The following INF2 variants were observed in gnomAD, a reference collection of about 807,000 sequenced individuals.
INF2 encodes inverted formin-2.
In INF2, 43 loss-of-function variants were observed where a neutral mutation model predicts 123.5. The observed-to-expected ratio is 0.35, with a 90% CI of 0.27 to 0.45. The LOEUF is 0.45. INF2 is among the 20% of genes least tolerant of loss of function. The pLI, the probability that INF2 is intolerant of heterozygous loss-of-function variation, is 1.00. For missense variants in INF2, 1,453 were observed against 1,682.7 expected (o/e 0.86, Z 2.39); for synonymous variants, 851 against 745.0 (o/e 1.14, Z -2.32).
At chr14:104,713,420 T>C in intron 19 of INF2, 25 bp from the exon 20 acceptor site, 1 of 1,604,264 alleles carries the variant, frequency 6.2e-7, no homozygotes, top group Non-Finnish European at 8.5e-7. Context: ...CCCATGCCGC[T>C]CTCTGAGTGC....
chr14:104,700,403 C>T (rs930042509), intron 1 of INF2, among the ~76,000 whole-genome samples: 6 of 152,170 alleles, frequency 3.9e-5, no homozygotes, highest in African/African-American at 1.2e-4. Flanking sequence ...CTGCCAGGCC[C>T]GGCCCCCTAG....
chr14:104,691,887 G>T (rs1888971191), intron 1 of INF2, among the ~76,000 whole-genome samples: 1 of 152,248 alleles, frequency 6.6e-6, no homozygotes. Context: ...CTGGGGTGAG[G>T]TCTGCTCACA....
At chr14:104,710,875 C>T in intron 13 of INF2, 62 bp from the exon 14 acceptor site, 2 of 1,467,882 alleles carry the variant, frequency 1.4e-6, no homozygotes, top group Non-Finnish European at 1.9e-6. Context: ...CCACACCCCA[C>T]CGCCAGGGCA....
Position 104,708,438 on chromosome 14 carries a change from C to T in INF2, c.1738C>T (p.His580Tyr). ...QKLPSNVARE[H>Y]NSMWASLSSP... ...CTGGCCGTGTCCCCACCCGACAGAGCACAACTCTATGTGGGCGTCCCTGAG... is the reference window on the plus strand; with the variant it reads ...CTGGCCGTGTCCCCACCCGACAGAGTACAACTCTATGTGGGCGTCCCTGAG... Residue 580 changes from histidine to tyrosine, a missense_variant and splice_region_variant, in exon 9 of 23, where the codon CAC (histidine) becomes TAC (tyrosine). Physicochemically the swap from His to Tyr is moderately conservative, Grantham distance 83. Around this residue, in one of 8 missense-constraint regions of INF2, gnomAD observed 192 missense variants for 274.4 expected, o/e 0.70. Coordinates refer to ENST00000392634, the MANE Select transcript of INF2 (RefSeq NM_022489.4). The T allele has an allele frequency of 6.2e-7, 1 of 1,611,908 alleles. No individual in the cohort carries two copies. The highest frequency in any genetic ancestry group is 8.5e-7 in the Non-Finnish European group (1 of 1,179,748).
rs1168316205 is a variant in INF2, at chr14:104,689,630, C to G, written c.-119C>G. The G allele has an allele frequency of 2.1e-6, 2 of 936,646 alleles. No individual in the cohort carries two copies. Among genetic ancestry groups the G allele is most frequent in the African/African-American group, 3.6e-5 (2 of 56,208 alleles). The allele number at this position is 936,646 out of a possible 1,614,324, so 58.0% of individuals were successfully genotyped here. On this transcript the variant is annotated 5_prime_UTR_variant, in exon 1 of 23. Coordinates refer to ENST00000392634, the MANE Select transcript of INF2 (RefSeq NM_022489.4). ...CCGCCCCGCGCCCGCCAGGAGCCAC[C>G]GTCCGAGCCTTGCGGAGCGCGGCAG... is the stretch of plus-strand genomic sequence containing the variant.
chr14:104,721,443 A>C lies in INF2; in HGVS notation c.*2650A>C, dbSNP rs1443582421. ...CTGCTGTGGACGTCTGTGTAGTCTCATGTGGATGCTGCGAGTTTTCGTTGC... is the reference window on the plus strand; with the variant it reads ...CTGCTGTGGACGTCTGTGTAGTCTCCTGTGGATGCTGCGAGTTTTCGTTGC... On this transcript the variant is annotated 3_prime_UTR_variant, in exon 23 of 23. Coordinates refer to ENST00000392634, the MANE Select transcript of INF2 (RefSeq NM_022489.4). 1 of 154,830 alleles carries C rather than the reference A, an allele frequency of 6.5e-6. No individual in the cohort carries two copies. Among genetic ancestry groups the C allele is most frequent in the Non-Finnish European group, 1.4e-5 (1 of 70,226 alleles). The allele number at this position is 154,830 out of a possible 1,614,324, so 9.6% of individuals were successfully genotyped here. A position where few individuals can be genotyped will look rare whatever the true frequency, so the allele number is the denominator to read the frequency against.
At chr14:104,715,992 C>T (rs530620340) in intron 22 of INF2, 167 of 455,306 alleles carry the variant, frequency 3.7e-4, no homozygotes, top group African/African-American at 3.1e-3. Flanking sequence ...TTCTGGGGGG[C>T]GACCAGCCAA....
chr14:104,713,148 C>G, intron 18 of INF2, 59 bp from the exon 19 acceptor site: 1 of 1,587,460 alleles, frequency 6.3e-7, no homozygotes, highest in Non-Finnish European at 8.6e-7. Flanking sequence ...GACGCCCAGG[C>G]CCATGGAGCC....
rs1889928987 is a variant in INF2 at position 104,709,276 on chromosome 14, T to C, written c.1950-5T>C. The stretch of plus-strand genomic sequence containing the variant: ...CACCCCTGCCCGGTCCTCTCCCTGC[T>C]CCAGCTCCAACGAGGAGGTCGCTGC... On this transcript the variant is annotated splice_region_variant and splice_polypyrimidine_tract_variant and intron_variant, in intron 10 of 22. Coordinates refer to ENST00000392634, the MANE Select transcript of INF2 (RefSeq NM_022489.4). 1.9e-6 allele frequency: 3 copies of C among 1,610,954 alleles called. No individual in the cohort carries two copies. The highest frequency in any genetic ancestry group is 1.7e-5 in the Admixed American group (1 of 59,914).
At position 104,707,731 on chromosome 14, in the gene INF2, C is replaced by A; in HGVS notation, c.1464C>A (p.Pro488=). ...PPLPGSCEFL[P]PPPPPLPGLG... ...TGCCAGGCTCCTGTGAGTTCCTGCCCCCACCACCTCCACCACTCCCGGGCT... is the reference window on the plus strand; with the variant it reads ...TGCCAGGCTCCTGTGAGTTCCTGCCACCACCACCTCCACCACTCCCGGGCT... Residue 488 remains proline (P), a synonymous_variant, in exon 8 of 23, where the codon CCC becomes CCA. Coordinates refer to ENST00000392634, the MANE Select transcript of INF2 (RefSeq NM_022489.4). 7.5e-7 allele frequency: 1 copy of A among 1,338,318 alleles called. No homozygotes were observed. Among genetic ancestry groups the A allele is most frequent in the Non-Finnish European group, 1.0e-6 (1 of 968,626 alleles). 82.9% of individuals were successfully genotyped at this position (1,338,318 alleles called of 1,614,324 possible).
chr14:104,714,913 G>A (rs576830320), intron 21 of INF2, 57 bp downstream of exon 21: 21 of 1,454,174 alleles, frequency 1.4e-5, no homozygotes, highest in African/African-American at 5.7e-5. Context: ...GCACCCAGCC[G>A]GTCCCTCCCC....
At chr14:104,704,065 G>C in intron 5 of INF2, 116 bp downstream of exon 5, 1 of 1,563,964 alleles carries the variant, frequency 6.4e-7, no homozygotes, top group South Asian at 1.1e-5. Flanking sequence ...TGGCAGGGAG[G>C]TGGCTCCCTC....
chr14:104,707,547 C>T lies in INF2; in HGVS notation c.1280C>T (p.Pro427Leu), dbSNP rs1889838927. ...QASTPPPPPP[P>L]PLLPGSSAEP... ...TCCACCCCACCCCCACCCCCACCCC[C>T]ACCCCTGCTCCCTGGTTCCAGTGCC... Residue 427 changes from proline to leucine, a missense_variant, in exon 8 of 23, where the codon CCA becomes CTA. Coordinates refer to ENST00000392634, the MANE Select transcript of INF2 (RefSeq NM_022489.4). 1 of 1,223,866 alleles carries T rather than the reference C, an allele frequency of 8.2e-7. No homozygotes were observed. 75.8% of individuals were successfully genotyped at this position (1,223,866 alleles called of 1,614,324 possible). A position where few individuals can be genotyped will look rare whatever the true frequency, so the allele number is the denominator to read the frequency against.
chr14:104,695,578 C>T (rs187629916), intron 1 of INF2, among the ~76,000 whole-genome samples: 3 of 110,074 alleles, frequency 2.7e-5, no homozygotes, highest in East Asian at 4.5e-4. Flanking sequence ...CTGCGCTTGC[C>T]GACTCTCCTC....
intron 11 of INF2, 111 bp downstream of exon 11, chr14:104,709,494 C>A (rs1006404841): frequency 8.6e-6 from 11 of 1,274,500 alleles, no homozygotes; most frequent in Non-Finnish European, 1.0e-5. Flanking sequence ...CCCAGCCCTA[C>A]CTCTGCCCTG....
intron 6 of INF2, among the ~76,000 whole-genome samples, chr14:104,706,664 G>A (rs962925777): frequency 6.6e-6 from 1 of 152,174 alleles, no homozygotes; most frequent in African/African-American, 2.4e-5. Flanking sequence ...ATTTTTGGCT[G>A]CCACGGCTGG....
At position 104,683,469 on chromosome 14, in the gene INF2, G is replaced by A. The variant is rs184978113; in HGVS notation, c.-104+1887G>A. Reference sequence around the variant, plus strand: ...CCTGGAGCCGTGGGGCAGGGAGGGAGGTGTTCAGGGAAAGATGGGAGGGTA... The same window carrying A: ...CCTGGAGCCGTGGGGCAGGGAGGGAAGTGTTCAGGGAAAGATGGGAGGGTA... On this transcript the variant is annotated intron_variant, in intron 1 of 2. Coordinates refer to the INF2 transcript ENST00000674723. Among the ~76,000 whole-genome samples, 213 of 152,260 alleles carry A rather than the reference G, an allele frequency of 1.4e-3. 4 individuals carry two copies. The highest frequency in any genetic ancestry group is 0.014 in the Admixed American group (213 of 15,304).
Position 104,708,507 on chromosome 14 carries a change from G to A in INF2, c.1807G>A (p.Glu603Lys), listed in dbSNP as rs1306491940. The A allele has an allele frequency of 6.2e-7, 1 of 1,612,442 alleles. No individual in the cohort carries two copies. Among genetic ancestry groups the A allele is most frequent in the Non-Finnish European group, 8.5e-7 (1 of 1,179,792 alleles). Residue 603 changes from glutamate to lysine, a missense_variant, in exon 9 of 23, where the codon GAG (glutamate) becomes AAG (lysine). By Grantham distance (56) the Glu-to-Lys change is moderately conservative (BLOSUM62 1). This residue lies in a region of INF2 where 192 missense variants were observed against 274.4 expected (regional missense o/e 0.70). Coordinates refer to ENST00000392634, the MANE Select transcript of INF2 (RefSeq NM_022489.4). ...TGTGGAGCCCGACTTCTCCAGCATCGAGCGACTATTCTCCTTCCCTGCAGC... is the reference window on the plus strand; with the variant it reads ...TGTGGAGCCCGACTTCTCCAGCATCAAGCGACTATTCTCCTTCCCTGCAGC... ...EAVEPDFSSI[E>K]RLFSFPAAKP...
rs556133055 is a variant in INF2, at chr14:104,710,877, G to A, written c.2240-60G>A. ...CTGGCAAGCAGGACCACACCCCACC[G>A]CCAGGGCATCTGGGGGCTCCGAACC... On this transcript the variant is annotated intron_variant, in intron 13 of 22. Transcript: ENST00000392634. 77 of 1,489,778 alleles carry A rather than the reference G, an allele frequency of 5.2e-5. 1 individual carries two copies. The highest frequency in any genetic ancestry group is 4.0e-4 in the South Asian group (34 of 85,904). 92.3% of individuals were successfully genotyped at this position (1,489,778 alleles called of 1,614,324 possible). A position where few individuals can be genotyped will look rare whatever the true frequency, so the allele number is the denominator to read the frequency against.
Sources: gnomAD v4.1 joint callset for allele counts (sites outside exome capture counted in the v4.1 genomes callset) on GRCh38, gnomAD v4.1.1 for gene constraint, gnomAD v4.1.1 regional missense constraint, MANE v1.5 for transcripts, NCBI Gene and HGNC (gene_info 2026-07-23, HGNC 2026-07-21) for gene names.